KCNC1: variants seen among roughly 807,000 people sequenced by gnomAD.
KCNC1 encodes voltage-gated potassium channel KCNC1.
Under a neutral mutation model 43.4 loss-of-function variants are expected in KCNC1, and 8 were observed. The ratio of observed to expected loss-of-function variants is 0.18; its 90% CI spans 0.11 to 0.33. The LOEUF is 0.33. Ranked by LOEUF, KCNC1 falls within the 10% of genes least tolerant of loss-of-function variation. KCNC1 has a pLI of 1.00. For missense variants in KCNC1, 420 were observed against 836.0 expected, an observed-to-expected ratio of 0.50 and a Z score of 6.14; for synonymous variants, 361 against 360.5, an observed-to-expected ratio of 1.00 and a Z score of -0.01.
At position 17,776,268 on chromosome 11, in the gene KCNC1, T is replaced by G; in HGVS notation, c.1505-3188T>G. 1 of 985,468 alleles carries G rather than the reference T, an allele frequency of 1.0e-6. No individual in the cohort carries two copies. The allele number at this position is 985,468 out of a possible 1,614,324, so 61.0% of individuals were successfully genotyped here. On this transcript the variant is annotated intron_variant, in intron 2 of 3. Transcript: ENST00000265969. This position sits in a 1 kb window ranked among gnomAD's most constrained non-coding sequence, Gnocchi z 4.4. ...CATGACTTGTGCCGGTTCTCGTGAT[T>G]GTTCCCTGCTCGTGTCTCACAGACT...
chr11:17,751,171 A>G (rs1848964870), intron 1 of KCNC1, among the ~76,000 whole-genome samples: 1 of 152,228 alleles, frequency 6.6e-6, no homozygotes, highest in African/African-American at 2.4e-5. Flanking sequence ...TTCTTTTGAA[A>G]ATAAATCAAG....
intron 1 of KCNC1, among the ~76,000 whole-genome samples, chr11:17,766,846 C>G (rs1352822961): frequency 6.6e-6 from 1 of 151,426 alleles, no homozygotes; most frequent in East Asian, 1.9e-4. Context: ...ACTCTGGAGG[C>G]AAGAGCTTAG....
At chr11:17,753,312 G>A (rs1848989239) in intron 1 of KCNC1, among the ~76,000 whole-genome samples, 1 of 152,238 alleles carries the variant, frequency 6.6e-6, no homozygotes, top group Admixed American at 6.5e-5. Context: ...TAGCATAGCA[G>A]GTGGTGCCTG....
rs1054165354 is a variant in KCNC1, at chr11:17,776,172, T to C, written c.1505-3284T>C. 1 of 985,458 alleles carries C rather than the reference T, an allele frequency of 1.0e-6. No homozygotes were observed. Among genetic ancestry groups the C allele is most frequent in the Non-Finnish European group, 1.2e-6 (1 of 829,956 alleles). The allele number at this position is 985,458 out of a possible 1,614,324, so 61.0% of individuals were successfully genotyped here. On this transcript the variant is annotated intron_variant, in intron 2 of 3. Transcript: ENST00000265969. This position sits in a 1 kb window ranked among gnomAD's most constrained non-coding sequence, Gnocchi z 4.4. ...GGCCAGGCATGGGTGTTCTTTTCCGTGTTGTTCACATTTTCTCTCTTTCTC... is the reference window on the plus strand; with the variant it reads ...GGCCAGGCATGGGTGTTCTTTTCCGCGTTGTTCACATTTTCTCTCTTTCTC...
intron 1 of KCNC1, among the ~76,000 whole-genome samples, chr11:17,768,617 G>GGC (rs1554991051): frequency 3.3e-5 from 5 of 151,778 alleles, no homozygotes; most frequent in Admixed American, 1.3e-4. Flanking sequence ...GTTGGTGGGG[G>GGC]GGGGGGCGGT....
chr11:17,771,952 C>T lies in KCNC1; in HGVS notation c.858C>T (p.Ile286=). 6.2e-7 allele frequency: 1 copy of T among 1,614,228 alleles called. No individual in the cohort carries two copies. Among genetic ancestry groups the T allele is most frequent in the Non-Finnish European group, 8.5e-7 (1 of 1,180,042 alleles). The change falls in exon 2 of 4, where the codon ATC becomes ATT. Residue 286 remains isoleucine, a synonymous_variant. Transcript: ENST00000265969. This position sits in a 1 kb window ranked among gnomAD's most constrained non-coding sequence, Gnocchi z 4.7. ...NSLNIIDFVA[I]LPFYLEVGLS... is the part of the protein sequence containing the mutation. ...TCAACATCATTGACTTTGTGGCCAT[C>T]CTGCCCTTCTACCTGGAGGTGGGGC...
At chr11:17,772,653 G>A in intron 2 of KCNC1, 55 bp downstream of exon 2, 1 of 1,584,994 alleles carries the variant, frequency 6.3e-7, no homozygotes, top group East Asian at 2.2e-5. Context: ...GCCCCCTGTA[G>A]CGATGATTCC....
In KCNC1 at chr11:17,772,533, A is replaced by G. The variant is rs1409273169; in HGVS notation, c.1439A>G (p.His480Arg). Residue 480 changes from histidine (H) to arginine (R), a missense_variant, in exon 2 of 4, where the codon CAC (histidine) becomes CGC (arginine). Transcript: ENST00000265969. The part of the protein sequence containing the change: ...NYCKSVVNSP[H>R]HSTQSDTCPL... ...TGTAAATCTGTCGTAAACTCTCCACACCACAGTACTCAGAGTGACACATGT... is the reference window on the plus strand; with the variant it reads ...TGTAAATCTGTCGTAAACTCTCCACGCCACAGTACTCAGAGTGACACATGT... 1.2e-6 allele frequency: 2 copies of G among 1,614,064 alleles called. No individual in the cohort carries two copies. The highest frequency in any genetic ancestry group is 1.7e-6 in the Non-Finnish European group (2 of 1,180,040).
intron 1 of KCNC1, among the ~76,000 whole-genome samples, chr11:17,738,531 T>A (rs1330593614): frequency 6.6e-6 from 1 of 152,060 alleles, no homozygotes; most frequent in Non-Finnish European, 1.5e-5. Context: ...GCCCCACCCT[T>A]TGCACTCAGT....
chr11:17,778,444 A>G (rs1849309161), intron 2 of KCNC1, among the ~76,000 whole-genome samples: 1 of 152,256 alleles, frequency 6.6e-6, no homozygotes, highest in African/African-American at 2.4e-5. Context: ...GACACTGACC[A>G]GAGGGGACAG....
rs1176631637 is a variant in KCNC1 at position 17,739,638 on chromosome 11, G to C, written c.570+3066G>C. ...GTGAGTGTGTGGCTGTGTGTGGCAA[G>C]TGTGAAACTGTATATGTGGAGCTCA... On this transcript the variant is annotated intron_variant, in intron 1 of 3. Coordinates refer to ENST00000265969, the MANE Select transcript of KCNC1 (RefSeq NM_001112741.2). This position sits in a 1 kb window ranked among gnomAD's most constrained non-coding sequence, Gnocchi z 4.2. 6.7e-6 allele frequency among the ~76,000 whole-genome samples: 1 copy of C among 150,356 alleles called. No individual in the cohort carries two copies. The highest frequency in any genetic ancestry group is 1.5e-5 in the Non-Finnish European group (1 of 67,712).
Position 17,764,368 on chromosome 11 carries a change from CCA to C in KCNC1, c.571-7286_571-7285del, listed in dbSNP as rs1324770349. On this transcript the variant is annotated intron_variant, in intron 1 of 3. Transcript: ENST00000265969. Reference sequence around the variant, plus strand: ...TGTTCCCCACACACCCCATACATGTCCACACACACACAAACACATCCCATATC... The same window carrying C: ...TGTTCCCCACACACCCCATACATGTCCACACACACAAACACATCCCATATC... Among the ~76,000 whole-genome samples, 13 of 151,848 alleles carry C rather than the reference CCA, an allele frequency of 8.6e-5. No individual in the cohort carries two copies. The East Asian group carries it at 2.3e-3, about 27-fold the overall frequency.
chr11:17,775,281 T>TGCCCACCCC, intron 2 of KCNC1: 2 of 935,836 alleles, frequency 2.1e-6, no homozygotes, highest in Non-Finnish European at 2.5e-6. Context: ...TCTGAGGGCA[T>TGCCCACCCC]CCCTCCCGCC....
intron 2 of KCNC1, chr11:17,775,281 T>TGCCAACCCCC: frequency 6.4e-6 from 6 of 935,828 alleles, no homozygotes; most frequent in African/African-American, 1.8e-5. Context: ...TCTGAGGGCA[T>TGCCAACCCCC]CCCTCCCGCC....
At chr11:17,764,781 GCCCTCCCTC>G (rs1849129378) in intron 1 of KCNC1, among the ~76,000 whole-genome samples, 1 of 151,764 alleles carries the variant, frequency 6.6e-6, no homozygotes, top group African/African-American at 2.4e-5. Context: ...TTTCCTCCCT[GCCCTCCCTC>G]CCATCCCCCA....
intron 1 of KCNC1, among the ~76,000 whole-genome samples, chr11:17,766,967 C>CAAAA (rs33931057): frequency 1.8e-4 from 24 of 133,246 alleles, no homozygotes; most frequent in African/African-American, 5.4e-4. Flanking sequence ...TAAAAAATAC[C>CAAAA]AAAAAAAAAA....
intron 1 of KCNC1, among the ~76,000 whole-genome samples, chr11:17,744,957 T>C (rs2133782505): frequency 6.6e-6 from 1 of 152,226 alleles, no homozygotes; most frequent in South Asian, 2.1e-4. Context: ...GGTACATCGC[T>C]GCATTGGGGC....
At chr11:17,738,060 G>A (rs924230215) in intron 1 of KCNC1, among the ~76,000 whole-genome samples, 2 of 151,996 alleles carry the variant, frequency 1.3e-5, no homozygotes, top group Admixed American at 6.5e-5. Context: ...TAGAACAACT[G>A]TGTTTATGGG....
At position 17,736,458 on chromosome 11, in the gene KCNC1, C is replaced by A; in HGVS notation, c.456C>A (p.Thr152=). 2 of 1,602,972 alleles carry A rather than the reference C, an allele frequency of 1.2e-6. No individual in the cohort carries two copies. The highest frequency in any genetic ancestry group is 8.5e-7 in the Non-Finnish European group (1 of 1,177,764). ...ACGGCGAGGACGAGCTGGAGATGAC[C>A]AAGCGCCTGGCGCTCAGTGACTCCC... is the stretch of plus-strand genomic sequence containing the variant. ...SGDGEDELEM[T]KRLALSDSPD... The change falls in exon 1 of 4, where the codon ACC becomes ACA. Residue 152 remains threonine (T), a synonymous_variant. Coordinates refer to ENST00000265969, the MANE Select transcript of KCNC1 (RefSeq NM_001112741.2). The surrounding 1 kb of genome is among the most constrained non-coding windows in gnomAD (Gnocchi z 9.3).
Sources: allele counts gnomAD v4.1 joint callset (sites outside exome capture counted in the v4.1 genomes callset), GRCh38; gene constraint gnomAD v4.1.1; non-coding constraint Gnocchi (gnomAD v3.1); transcripts MANE v1.5; gene names NCBI Gene and HGNC (gene_info 2026-07-23, HGNC 2026-07-21).